RASEF: variants seen among roughly 807,000 people sequenced by gnomAD.
RASEF encodes RAS and EF-hand domain containing, also known as ras and EF-hand domain-containing protein.
In RASEF, 68 loss-of-function variants were observed where a neutral mutation model predicts 90.1. The ratio of observed to expected loss-of-function variants is 0.75; its 90% CI spans 0.62 to 0.92. The LOEUF (loss-of-function observed/expected upper bound fraction) is 0.92. RASEF is among the 40% of genes least tolerant of loss of function. The probability of loss-of-function intolerance (pLI) is 0.00; values close to 1 mark genes in which losing one functional copy is unlikely to be tolerated. For missense variants in RASEF, 949 were observed against 937.2 expected, an observed-to-expected ratio of 1.01 and a Z score of -0.16; for synonymous variants, 331 against 345.2, an observed-to-expected ratio of 0.96 and a Z score of 0.46.
the RASEF span, among the ~76,000 whole-genome samples, chr9:83,121,008 G>T: frequency 4.6e-5 from 7 of 152,158 alleles, no homozygotes; most frequent in Admixed American, 4.6e-4. Flanking sequence ...AGTTAAAGAT[G>T]ATGTTTGCAT....
At chr9:83,100,531 T>C in the RASEF span, among the ~76,000 whole-genome samples, 7 of 152,218 alleles carry the variant, frequency 4.6e-5, no homozygotes, top group Non-Finnish European at 1.0e-4. Flanking sequence ...ATTCAGTTTA[T>C]GAAAATCAGC....
chr9:83,161,333 G>A, the RASEF span, among the ~76,000 whole-genome samples: 37 of 152,190 alleles, frequency 2.4e-4, 1 homozygote, highest in Admixed American at 4.6e-4. Flanking sequence ...GGATCAGCAT[G>A]ATCTGGATGT....
chr9:83,002,219 G>A (rs1390672413), intron 9 of RASEF, among the ~76,000 whole-genome samples: 1 of 152,138 alleles, frequency 6.6e-6, no homozygotes, highest in East Asian at 1.9e-4. Context: ...AACAAGAAGT[G>A]GATATGCTTA....
the RASEF span, among the ~76,000 whole-genome samples, chr9:83,164,373 A>ATATATATATATG: frequency 1.2e-3 from 165 of 141,934 alleles, no homozygotes; most frequent in Non-Finnish European, 1.9e-3. Context: ...ATATATATAT[A>ATATATATATATG]TGTGTGTGTG....
At chr9:82,989,475 T>C (rs1473897979) in intron 16 of RASEF, among the ~76,000 whole-genome samples, 2 of 152,154 alleles carry the variant, frequency 1.3e-5, no homozygotes, top group Non-Finnish European at 2.9e-5. Flanking sequence ...CTGAAACCAA[T>C]GGGATCTGCT....
At chr9:83,046,900 T>A (rs1261996048) in intron 1 of RASEF, among the ~76,000 whole-genome samples, 1 of 152,194 alleles carries the variant, frequency 6.6e-6, no homozygotes, top group Non-Finnish European at 1.5e-5. Flanking sequence ...GCATTCGGAT[T>A]TCAGAATAAA....
the RASEF span, among the ~76,000 whole-genome samples, chr9:83,115,280 A>G: frequency 6.6e-6 from 1 of 152,232 alleles, no homozygotes; most frequent in East Asian, 1.9e-4. Flanking sequence ...ATGTTATCCT[A>G]AAGTTAATGA....
the RASEF span, among the ~76,000 whole-genome samples, chr9:83,156,931 TA>T: frequency 6.6e-6 from 1 of 152,246 alleles, no homozygotes; most frequent in Non-Finnish European, 1.5e-5. Flanking sequence ...ACATTTTAAA[TA>T]ATTCATCTCT....
the RASEF span, among the ~76,000 whole-genome samples, chr9:83,169,498 A>G: frequency 6.6e-6 from 1 of 152,026 alleles, no homozygotes; most frequent in African/African-American, 2.4e-5. Flanking sequence ...ATTGCCACCA[A>G]CGGTGTAGTG....
the RASEF span, among the ~76,000 whole-genome samples, chr9:83,188,472 C>T: frequency 7.6e-4 from 116 of 152,274 alleles, no homozygotes; most frequent in Middle Eastern, 3.4e-3. Flanking sequence ...AAGCTCCTTG[C>T]GCAACAGAAG....
intron 1 of RASEF, among the ~76,000 whole-genome samples, chr9:83,035,600 C>T (rs2118616668): frequency 6.6e-6 from 1 of 152,246 alleles, no homozygotes; most frequent in Non-Finnish European, 1.5e-5. Context: ...AGAGCACTTG[C>T]CTTGCAGTGC....
chr9:83,045,522 T>C (rs990447644), intron 1 of RASEF, among the ~76,000 whole-genome samples: 2 of 152,236 alleles, frequency 1.3e-5, no homozygotes, highest in African/African-American at 4.8e-5. Flanking sequence ...TAAAGCACTT[T>C]TATTATCCTG....
Position 82,997,258 on chromosome 9 carries a change from ACATAGG to A in RASEF, c.1806-138_1806-133del, listed in dbSNP as rs775691493. The A allele has an allele frequency of 3.0e-5, 19 of 631,326 alleles. No individual in the cohort carries two copies. The South Asian group carries it at 3.2e-4, about 10-fold the overall frequency. The allele number at this position is 631,326 out of a possible 1,614,324, so 39.1% of individuals were successfully genotyped here. ...ACTCTAACTGCAATATATGACTGAG[ACATAGG>A]CATTTCAAAGGTCTCGAATGACCCA... is the stretch of plus-strand genomic sequence containing the variant. On this transcript the variant is annotated intron_variant, in intron 13 of 16. Coordinates refer to ENST00000376447, the MANE Select transcript of RASEF (RefSeq NM_152573.4).
At chr9:83,110,825 T>C in the RASEF span, among the ~76,000 whole-genome samples, 14 of 152,106 alleles carry the variant, frequency 9.2e-5, no homozygotes, top group Non-Finnish European at 1.5e-4. Flanking sequence ...AATTCTGGGT[T>C]AGTTGTGTTC....
chr9:83,074,806 C>T, the RASEF span, among the ~76,000 whole-genome samples: 1 of 152,186 alleles, frequency 6.6e-6, no homozygotes, highest in Non-Finnish European at 1.5e-5. Context: ...CATGTATTCT[C>T]ATAGCACAAG....
the RASEF span, among the ~76,000 whole-genome samples, chr9:83,091,179 T>C: frequency 3.3e-5 from 5 of 152,192 alleles, no homozygotes; most frequent in Non-Finnish European, 5.9e-5. Context: ...TTTTCTCAGG[T>C]ATTTGCTGTG....
At position 83,000,042 on chromosome 9, in the gene RASEF, T is replaced by C. The variant is rs966079995; in HGVS notation, c.1723+127A>G. 6 of 728,270 alleles carry C rather than the reference T, an allele frequency of 8.2e-6. No homozygotes were observed. In the Admixed American group the frequency reaches 9.1e-5, roughly 11 times the overall value. The allele number at this position is 728,270 out of a possible 1,614,324, so 45.1% of individuals were successfully genotyped here. On this transcript the variant is annotated intron_variant, in intron 12 of 16. Coordinates refer to ENST00000376447, the MANE Select transcript of RASEF (RefSeq NM_152573.4). The stretch of plus-strand genomic sequence containing the variant: ...ACACACACACACACACACACATTTA[T>C]ATATGTGTGCATACACAGAGAAAGA...
intron 1 of RASEF, among the ~76,000 whole-genome samples, chr9:83,046,096 CTT>C (rs5898808): frequency 9.9e-5 from 15 of 150,760 alleles, no homozygotes; most frequent in Admixed American, 9.9e-4. Context: ...TTTTTTAACT[CTT>C]ATTTTAAGCT....
chr9:83,103,901 G>A, the RASEF span, among the ~76,000 whole-genome samples: 1 of 152,116 alleles, frequency 6.6e-6, no homozygotes, highest in East Asian at 1.9e-4. Flanking sequence ...TAATCAACAT[G>A]TTATGACTGC....
Sources: allele counts gnomAD v4.1 joint callset (sites outside exome capture counted in the v4.1 genomes callset), GRCh38; gene constraint gnomAD v4.1.1; transcripts MANE v1.5; gene names NCBI Gene and HGNC (gene_info 2026-07-23, HGNC 2026-07-21).